The following LDLRAD4 variants were observed in gnomAD, a reference collection of about 807,000 sequenced individuals.
LDLRAD4 encodes the protein low-density lipoprotein receptor class A domain-containing protein 4.
In LDLRAD4, 5 loss-of-function variants were observed where a neutral mutation model predicts 17.0. The observed-to-expected ratio is 0.29, with a 90% confidence interval of 0.15 to 0.62. The LOEUF is 0.62. Among genes scored for constraint, LDLRAD4 ranks in the 20% least tolerant of loss-of-function variants. The probability of loss-of-function intolerance (pLI) is 0.84; values close to 1 mark genes in which losing one functional copy is unlikely to be tolerated. For synonymous variants in LDLRAD4, 168 were observed against 171.8 expected, an observed-to-expected ratio of 0.98 and a Z score of 0.17; for missense variants, 340 against 424.7, an observed-to-expected ratio of 0.80 and a Z score of 1.75.
At chr18:13,266,423 A>G (rs2044221561) in intron 1 of LDLRAD4, among the ~76,000 whole-genome samples, 1 of 152,138 alleles carries the variant, frequency 6.6e-6, no homozygotes, top group Non-Finnish European at 1.5e-5. Context: ...CGGGGACAAC[A>G]GACACAGCCC....
chr18:13,547,944 T>C (rs2094388042), intron 3 of LDLRAD4, among the ~76,000 whole-genome samples: 1 of 152,116 alleles, frequency 6.6e-6, no homozygotes, highest in Non-Finnish European at 1.5e-5. Flanking sequence ...AGGTCCTGAG[T>C]TCTTGTCCTG....
intron 1 of LDLRAD4, among the ~76,000 whole-genome samples, chr18:13,295,931 T>G (rs760489389): frequency 6.6e-6 from 1 of 152,218 alleles, no homozygotes; most frequent in Non-Finnish European, 1.5e-5. Flanking sequence ...GACTCCCAAG[T>G]ACCCTGGAAG....
At chr18:13,400,640 A>G (rs28548371) in intron 2 of LDLRAD4, among the ~76,000 whole-genome samples, 4,860 of 152,302 alleles carry the variant, frequency 0.032, 268 homozygotes, top group African/African-American at 0.11. Flanking sequence ...GAGCCCAGCT[A>G]TGTTCACACT....
intron 1 of LDLRAD4, among the ~76,000 whole-genome samples, chr18:13,317,158 A>G (rs2080977362): frequency 6.6e-6 from 1 of 152,216 alleles, no homozygotes; most frequent in Non-Finnish European, 1.5e-5. Context: ...GGGCATTGCC[A>G]AAGATAGCAG....
At chr18:13,409,267 G>C (rs1484363811) in intron 2 of LDLRAD4, among the ~76,000 whole-genome samples, 1 of 152,200 alleles carries the variant, frequency 6.6e-6, no homozygotes, top group East Asian at 1.9e-4. Flanking sequence ...GGAGGGCCTG[G>C]AAGGGGTGGG....
Position 13,598,605 on chromosome 18 carries a change from C to T in LDLRAD4, c.182-22512C>T, listed in dbSNP as rs534729393. ...GTAAAATTGCTGACCTAGAGTTAAG[C>T]TTGTCACTCTCAAAGAGCTACTAGC... On this transcript the variant is annotated intron_variant, in intron 3 of 5. Coordinates refer to ENST00000359446, the Ensembl canonical transcript of LDLRAD4. Among the ~76,000 whole-genome samples, 224 of 152,354 alleles carry T rather than the reference C, an allele frequency of 1.5e-3. 1 individual carries two copies. The highest frequency in any genetic ancestry group is 5.2e-3 in the African/African-American group (218 of 41,580).
chr18:13,607,796 T>C (rs1450565913), intron 3 of LDLRAD4, among the ~76,000 whole-genome samples: 1 of 152,242 alleles, frequency 6.6e-6, no homozygotes, highest in African/African-American at 2.4e-5. Context: ...TATGGCTGCA[T>C]AGTATTCCAT....
chr18:13,593,377 A>G (rs1251317295), intron 3 of LDLRAD4, among the ~76,000 whole-genome samples: 5 of 147,958 alleles, frequency 3.4e-5, no homozygotes, highest in Non-Finnish European at 7.5e-5. Context: ...GCTTTTTGCA[A>G]GCTGACCTGG....
chr18:13,289,723 G>A (rs2045858027), intron 1 of LDLRAD4, among the ~76,000 whole-genome samples: 1 of 152,230 alleles, frequency 6.6e-6, no homozygotes, highest in Admixed American at 6.5e-5. Flanking sequence ...CATTGGGACT[G>A]CCGTGGAGAG....
At chr18:13,402,961 C>G (rs2087363623) in intron 2 of LDLRAD4, among the ~76,000 whole-genome samples, 1 of 152,100 alleles carries the variant, frequency 6.6e-6, no homozygotes, top group Admixed American at 6.5e-5. Context: ...AAGCCAGTCT[C>G]CAAATGATAT....
intron 3 of LDLRAD4, among the ~76,000 whole-genome samples, chr18:13,556,693 G>A (rs2094487524): frequency 6.6e-6 from 1 of 152,154 alleles, no homozygotes; most frequent in Non-Finnish European, 1.5e-5. Flanking sequence ...ACTTGCTAAT[G>A]GGATACACGG....
intron 1 of LDLRAD4, among the ~76,000 whole-genome samples, chr18:13,264,774 G>T (rs1209553588): frequency 6.6e-6 from 1 of 152,252 alleles, no homozygotes; most frequent in African/African-American, 2.4e-5. Flanking sequence ...GAGATGCATT[G>T]CTGAAAAGAG....
chr18:13,422,045 C>T (rs188991351), intron 2 of LDLRAD4, among the ~76,000 whole-genome samples: 32 of 152,344 alleles, frequency 2.1e-4, no homozygotes, highest in South Asian at 8.3e-4. Flanking sequence ...GTTTCAAATA[C>T]GTTAATTTCT....
rs142314267 is a variant in LDLRAD4, at chr18:13,414,064, A to G, written c.41-24180A>G. Among the ~76,000 whole-genome samples, 242 of 152,320 alleles carry G rather than the reference A, an allele frequency of 1.6e-3. 1 individual carries two copies. The highest frequency in any genetic ancestry group is 6.8e-3 in the Middle Eastern group (2 of 294). ...ACATATTTTCTCAAACCAGAGGTGC[A>G]CTATAGTCCACCATGCTTTGTTCCA... On this transcript the variant is annotated intron_variant, in intron 2 of 5. Coordinates refer to ENST00000359446, the Ensembl canonical transcript of LDLRAD4.
chr18:13,535,771 A>G (rs913140047), intron 3 of LDLRAD4, among the ~76,000 whole-genome samples: 3 of 152,140 alleles, frequency 2.0e-5, no homozygotes, highest in African/African-American at 7.2e-5. Flanking sequence ...TTTCTTCTAT[A>G]AGTTTAACAG....
chr18:13,539,569 A>G lies in LDLRAD4; in HGVS notation c.182-81548A>G, dbSNP rs539231243. 9.9e-5 allele frequency among the ~76,000 whole-genome samples: 15 copies of G among 152,246 alleles called. 1 individual carries two copies. The highest frequency in any genetic ancestry group is 4.2e-4 in the South Asian group (2 of 4,818). On this transcript the variant is annotated intron_variant, in intron 3 of 5. Coordinates refer to ENST00000359446, the Ensembl canonical transcript of LDLRAD4. ...CCTTTCCTCCTCTTTCAAGGTGGCT[A>G]TCTGACTCCATGCACCTATTTAGTA... is the stretch of plus-strand genomic sequence containing the variant.
chr18:13,500,676 G>A (rs2093599046), intron 3 of LDLRAD4: 1 of 152,172 alleles, frequency 6.6e-6, no homozygotes, highest in African/African-American at 2.4e-5. Context: ...GCCTCGTTGA[G>A]TAACAATGGA....
At chr18:13,629,274 T>C (rs2041451612) in intron 4 of LDLRAD4, among the ~76,000 whole-genome samples, 1 of 152,212 alleles carries the variant, frequency 6.6e-6, no homozygotes, top group Non-Finnish European at 1.5e-5. Context: ...CCAAAATCCA[T>C]TTAGAGTTAA....
intron 1 of LDLRAD4, among the ~76,000 whole-genome samples, chr18:13,358,307 G>T (rs576965536): frequency 6.6e-6 from 1 of 151,854 alleles, no homozygotes; most frequent in Non-Finnish European, 1.5e-5. Context: ...TCTGTTTATC[G>T]ATATAGATAT....
Sources: gnomAD v4.1 joint callset for allele counts (sites outside exome capture counted in the v4.1 genomes callset) on GRCh38, gnomAD v4.1.1 for gene constraint, MANE v1.5 for transcripts, NCBI Gene and HGNC (gene_info 2026-07-23, HGNC 2026-07-21) for gene names.